Variants in CCDC14 observed in about 807,000 individuals in gnomAD.
CCDC14 encodes coiled-coil domain containing 14.
CCDC14 carries 71 observed loss-of-function variants against 81.4 expected under a neutral mutation model. The ratio of observed to expected loss-of-function variants is 0.87; its 90% CI spans 0.72 to 1.06. The LOEUF is 1.06. Among genes scored for constraint, CCDC14 ranks in the 50% least tolerant of loss-of-function variants. CCDC14 has a pLI of 0.00. For missense variants in CCDC14, 1,046 were observed against 1,047.3 expected (o/e 1.00, Z 0.02); for synonymous variants, 332 against 364.8 (o/e 0.91, Z 1.03).
At chr3:123,917,427 A>G (rs2034773209) in intron 12 of CCDC14, among the ~76,000 whole-genome samples, 1 of 151,436 alleles carries the variant, frequency 6.6e-6, no homozygotes, top group Non-Finnish European at 1.5e-5. Flanking sequence ...CCCGGGAGGC[A>G]GAGGGTGCAG....
At chr3:123,889,191 C>T in the CCDC14 span, among the ~76,000 whole-genome samples, 2,540 of 152,304 alleles carry the variant, frequency 0.017, 23 homozygotes, top group Non-Finnish European at 0.025. Flanking sequence ...AGGTGGATTA[C>T]TTGAGGTCAG....
In CCDC14 at chr3:123,924,224, T is replaced by C. The variant is rs75043491; in HGVS notation, c.1778+6878A>G. ...CTTCAACAAATGGTGATGGGAAAAC[T>C]GGAGATCCACGTACAGAAGAATGGA... is the stretch of plus-strand genomic sequence containing the variant. On this transcript the variant is annotated intron_variant, in intron 12 of 12. Transcript: ENST00000409697. 1.5e-3 allele frequency among the ~76,000 whole-genome samples: 235 copies of C among 152,194 alleles called. 1 individual carries two copies. Among genetic ancestry groups the C allele is most frequent in the African/African-American group, 5.3e-3 (221 of 41,534 alleles).
At chr3:123,921,876 A>C (rs189151214) in intron 12 of CCDC14, among the ~76,000 whole-genome samples, 141 of 152,372 alleles carry the variant, frequency 9.3e-4, no homozygotes, top group African/African-American at 3.1e-3. Context: ...GTTTAGACCA[A>C]ATAGATCTCA....
chr3:123,912,442 T>C (rs191867610), downstream of CCDC14, among the ~76,000 whole-genome samples: 25 of 152,346 alleles, frequency 1.6e-4, no homozygotes, highest in African/African-American at 5.5e-4. Context: ...CTTTTCATTT[T>C]AGACATCGCT....
At chr3:123,961,050 C>CT (rs1376182437) in intron 1 of CCDC14, 94 bp downstream of exon 1, 4 of 1,137,874 alleles carry the variant, frequency 3.5e-6, no homozygotes, top group Admixed American at 5.3e-5. Flanking sequence ...TTGTCTTTGT[C>CT]TTTTTTCGAG....
chr3:123,952,885 C>T (rs1348281185), intron 5 of CCDC14: 1 of 210,982 alleles, frequency 4.7e-6, no homozygotes, highest in Non-Finnish European at 1.0e-5. Flanking sequence ...TATTGGTTAA[C>T]AGCTGCCAAC....
At chr3:123,916,007 T>G (rs2034665923) in intron 12 of CCDC14, among the ~76,000 whole-genome samples, 1 of 151,314 alleles carries the variant, frequency 6.6e-6, no homozygotes, top group African/African-American at 2.4e-5. Context: ...TTTTTTTTTT[T>G]TTTTTAATTG....
At position 123,922,432 on chromosome 3, in the gene CCDC14, T is replaced by C. The variant is rs569398664; in HGVS notation, c.1779-6714A>G. Among the ~76,000 whole-genome samples the C allele has an allele frequency of 1.4e-3, 213 of 152,242 alleles. 1 individual carries two copies. The highest frequency in any genetic ancestry group is 2.6e-3 in the Non-Finnish European group (177 of 67,986). ...AGGAAAAATTCAGCAAAACTGAGTT[T>C]GTTTTTTTGGGAGAAATAAACAAAA... On this transcript the variant is annotated intron_variant, in intron 12 of 12. Transcript: ENST00000409697.
intron 5 of CCDC14, among the ~76,000 whole-genome samples, chr3:123,951,204 G>A (rs903089380): frequency 1.4e-4 from 21 of 152,168 alleles, no homozygotes; most frequent in Admixed American, 1.4e-3. Flanking sequence ...TGTAAATGAC[G>A]TAACACTTGT....
intron 9 of CCDC14, among the ~76,000 whole-genome samples, chr3:123,944,278 C>A (rs1701693239): frequency 6.6e-6 from 1 of 152,120 alleles, no homozygotes; most frequent in Admixed American, 6.6e-5. Context: ...TGTCCCAGAC[C>A]TTTCTATTAG....
intron 12 of CCDC14, among the ~76,000 whole-genome samples, chr3:123,928,708 G>T (rs577135468): frequency 6.6e-6 from 1 of 152,046 alleles, no homozygotes; most frequent in African/African-American, 2.4e-5. Context: ...CCATTCATCC[G>T]TCTACCTCCC....
intron 9 of CCDC14, 77 bp downstream of exon 9, chr3:123,944,772 G>T: frequency 9.3e-7 from 1 of 1,078,552 alleles, no homozygotes; most frequent in Non-Finnish European, 1.3e-6. Context: ...GAAGTCCTAG[G>T]TATGTCATTT....
chr3:123,915,383 AG>A lies in CCDC14; in HGVS notation c.2113del (p.Leu705PhefsTer15). 6.2e-7 allele frequency: 1 copy of A among 1,613,640 alleles called. No homozygotes were observed. ...CCCTTCATCAGAATCCTGTTTTGAA[AG>A]GGCAGAAATAATTCCAGGTGCAGAT... is the stretch of plus-strand genomic sequence containing the variant. ...EASAPGIISALSKQDSDEGSE... is the reference protein window; with the variant it reads ...EASAPGIISAXSKQDSDEGSE... On this transcript the variant is annotated frameshift_variant, in exon 13 of 13. Transcript: ENST00000409697. LOFTEE classifies it low-confidence loss of function (END_TRUNC).
intron 12 of CCDC14, among the ~76,000 whole-genome samples, chr3:123,929,687 C>A (rs1177393907): frequency 6.6e-6 from 1 of 152,178 alleles, no homozygotes; most frequent in East Asian, 1.9e-4. Context: ...AGAACTGTCA[C>A]CACTATCTAA....
chr3:123,936,490 A>C (rs974058901), intron 9 of CCDC14, among the ~76,000 whole-genome samples: 6 of 152,106 alleles, frequency 3.9e-5, no homozygotes, highest in Admixed American at 3.3e-4. Context: ...CACAATTAAG[A>C]TATCCATCAG....
chr3:123,930,867 T>A (rs145254298), intron 12 of CCDC14: 9,310 of 413,128 alleles, frequency 0.023, 148 homozygotes, highest in Non-Finnish European at 0.03. Flanking sequence ...CTTCAGCTTC[T>A]CATCAGGACC....
intron 10 of CCDC14, 43 bp downstream of exon 10, chr3:123,933,630 G>C: frequency 7.5e-7 from 1 of 1,334,258 alleles, no homozygotes; most frequent in Non-Finnish European, 1.0e-6. Context: ...AACATTTCCG[G>C]AGCCACAAAT....
Position 123,914,852 on chromosome 3 carries a change from T to C in CCDC14, c.2645A>G (p.Asn882Ser), listed in dbSNP as rs779928830. The C allele has an allele frequency of 2.5e-6, 4 of 1,610,088 alleles. No individual in the cohort carries two copies. In the South Asian group the frequency reaches 4.4e-5, roughly 18 times the overall value. The change falls in exon 13 of 13, where the codon AAT (asparagine) becomes AGT (serine). Residue 882 changes from asparagine (N) to serine (S), a missense_variant. Transcript: ENST00000409697. ...FTSRDEQDFR[N>S]GLAALDANIA... ...GTTGGCATCTAATGCCGCAAGGCCA[T>C]TTCTGAAGTCTTGTTCATCACGAGA... is the stretch of plus-strand genomic sequence containing the variant.
the CCDC14 span, among the ~76,000 whole-genome samples, chr3:123,885,568 G>C: frequency 6.6e-6 from 1 of 151,684 alleles, no homozygotes; most frequent in Non-Finnish European, 1.5e-5. Context: ...AGGTTTTCCA[G>C]AGTCTGGGGG....
Sources: gnomAD v4.1 joint callset for allele counts (sites outside exome capture counted in the v4.1 genomes callset) on GRCh38, gnomAD v4.1.1 for gene constraint, MANE v1.5 for transcripts, NCBI Gene and HGNC (gene_info 2026-07-23, HGNC 2026-07-21) for gene names.